COL3A1: variants seen among roughly 807,000 people sequenced by gnomAD.
COL3A1 encodes collagen type III alpha 1 chain.
Under a neutral mutation model 200.9 loss-of-function variants are expected in COL3A1, and 46 were observed. The observed-to-expected ratio is 0.23, with a 90% confidence interval of 0.18 to 0.29. COL3A1 has a LOEUF of 0.29. Ranked by LOEUF, COL3A1 falls within the 10% of genes least tolerant of loss-of-function variation. The pLI, the probability that COL3A1 is intolerant of heterozygous loss-of-function variation, is 1.00. For synonymous variants in COL3A1, 650 were observed against 628.0 expected, an observed-to-expected ratio of 1.03 and a Z score of -0.52; for missense variants, 1,367 against 1,917.6, an observed-to-expected ratio of 0.71 and a Z score of 5.36.
chr2:189,007,676 C>G, intron 45 of COL3A1, 69 bp downstream of exon 45: 1 of 1,378,058 alleles, frequency 7.3e-7, no homozygotes, highest in Non-Finnish European at 1.0e-6. Flanking sequence ...GAGAAGAAAG[C>G]TTTCCATCTC....
intron 1 of COL3A1, among the ~76,000 whole-genome samples, chr2:188,976,559 G>C (rs1202243228): frequency 1.3e-5 from 2 of 152,068 alleles, no homozygotes; most frequent in Non-Finnish European, 2.9e-5. Flanking sequence ...CTTTGGAAAA[G>C]TTACAGGAGG....
At chr2:188,999,940 T>C (rs1322860152) in intron 32 of COL3A1, 45 bp downstream of exon 32, 3 of 1,546,846 alleles carry the variant, frequency 1.9e-6, no homozygotes, top group African/African-American at 1.4e-5. Flanking sequence ...CTATATGTCA[T>C]ATGGGACAGT....
chr2:188,991,814 G>T, intron 13 of COL3A1, 92 bp downstream of exon 13: 3 of 1,298,926 alleles, frequency 2.3e-6, no homozygotes, highest in Non-Finnish European at 3.4e-6. Context: ...AATATGTTAG[G>T]AAAAAGACCT....
At chr2:188,980,262 T>C (rs761756788) in intron 1 of COL3A1, among the ~76,000 whole-genome samples, 13 of 151,450 alleles carry the variant, frequency 8.6e-5, no homozygotes, top group African/African-American at 2.7e-4. Context: ...TGGTTAGATA[T>C]ATGATACTTA....
At position 188,993,314 on chromosome 2, in the gene COL3A1, GAGT is replaced by G. The variant is rs1559055717; in HGVS notation, c.1051-44_1051-42del. 5 of 1,480,790 alleles carry G rather than the reference GAGT, an allele frequency of 3.4e-6. No homozygotes were observed. The South Asian group carries it at 4.8e-5, about 14-fold the overall frequency. 91.7% of individuals were successfully genotyped at this position (1,480,790 alleles called of 1,614,324 possible). A position where few individuals can be genotyped will look rare whatever the true frequency, so the allele number is the denominator to read the frequency against. The stretch of plus-strand genomic sequence containing the variant: ...GGACTGAAGGGTGAAGTGGCTAAGT[GAGT>G]AGAAGTGGTAAGAGAAACTGACTAC... On this transcript the variant is annotated intron_variant, in intron 15 of 50. Transcript: ENST00000304636.
intron 10 of COL3A1, 37 bp from the exon 11 acceptor site, chr2:188,990,967 G>A (rs1039339785): frequency 1.9e-6 from 3 of 1,587,632 alleles, no homozygotes; most frequent in East Asian, 2.2e-5. Flanking sequence ...ATTATTAACA[G>A]ATTTTAATAA....
chr2:188,996,983 A>G (rs1230560746), intron 24 of COL3A1, among the ~76,000 whole-genome samples, 182 bp from the exon 25 acceptor site: 1 of 151,812 alleles, frequency 6.6e-6, no homozygotes, highest in Non-Finnish European at 1.5e-5. Context: ...AGCAAGACTC[A>G]GTCTCAAAAA....
At chr2:189,002,472 G>A (rs1288540090) in intron 35 of COL3A1, 121 bp downstream of exon 35, 5 of 856,724 alleles carry the variant, frequency 5.8e-6, no homozygotes, top group Non-Finnish European at 9.8e-6. Context: ...TTCCCTATAG[G>A]ATTATTGTAC....
chr2:188,985,972 C>G (rs1688057580), intron 4 of COL3A1, among the ~76,000 whole-genome samples, 194 bp downstream of exon 4: 1 of 151,826 alleles, frequency 6.6e-6, no homozygotes, highest in African/African-American at 2.4e-5. Flanking sequence ...TTCATTTTTC[C>G]TCATAATGCT....
chr2:188,991,086 T>C (rs1688179339), intron 11 of COL3A1, 29 bp downstream of exon 11: 1 of 1,600,900 alleles, frequency 6.2e-7, no homozygotes, highest in African/African-American at 1.3e-5. Flanking sequence ...CATATTTTCA[T>C]AAGTAAATTC....
intron 32 of COL3A1, among the ~76,000 whole-genome samples, chr2:189,000,340 C>T (rs1688429580): frequency 6.6e-6 from 1 of 152,166 alleles, no homozygotes; most frequent in South Asian, 2.1e-4. Flanking sequence ...ACCTCAAGGA[C>T]AACATACTCA....
rs576933287 is a variant in COL3A1, at chr2:189,012,112, C to G, written c.*338C>G. 1 of 255,550 alleles carries G rather than the reference C, an allele frequency of 3.9e-6. No homozygotes were observed. Among genetic ancestry groups the G allele is most frequent in the East Asian group, 9.5e-5 (1 of 10,490 alleles). The allele number at this position is 255,550 out of a possible 1,614,324, so 15.8% of individuals were successfully genotyped here. ...CCATCTGCAGAGCAATGACTGTGCT[C>G]ACCAGTAAAAGATAACCTTTCTTTC... On this transcript the variant is annotated 3_prime_UTR_variant, in exon 51 of 51. Coordinates refer to ENST00000304636, the MANE Select transcript of COL3A1 (RefSeq NM_000090.4).
intron 10 of COL3A1, among the ~76,000 whole-genome samples, chr2:188,990,570 G>GA: frequency 6.6e-6 from 1 of 152,186 alleles, no homozygotes; most frequent in South Asian, 2.1e-4. Flanking sequence ...AAGTACTCTT[G>GA]AAAAATATCG....
intron 41 of COL3A1, 29 bp downstream of exon 41, chr2:189,005,486 A>C: frequency 6.4e-7 from 1 of 1,563,806 alleles, no homozygotes; most frequent in Non-Finnish European, 8.8e-7. Flanking sequence ...TCAACCAGCC[A>C]GGTAGAATTT....
Position 188,994,939 on chromosome 2 carries a change from A to G in COL3A1, c.1456-107A>G. Reference sequence around the variant, plus strand: ...TTTTCTTAAGTTGAGTGTTCAGTGAAAATATTGTTTAAAGCATTCTATGAC... The same window carrying G: ...TTTTCTTAAGTTGAGTGTTCAGTGAGAATATTGTTTAAAGCATTCTATGAC... On this transcript the variant is annotated intron_variant, in intron 20 of 50. Coordinates refer to ENST00000304636, the MANE Select transcript of COL3A1 (RefSeq NM_000090.4). The surrounding 1 kb of genome is among the most constrained non-coding windows in gnomAD (Gnocchi z 4.5). 2 of 1,552,966 alleles carry G rather than the reference A, an allele frequency of 1.3e-6. No individual in the cohort carries two copies. Among genetic ancestry groups the G allele is most frequent in the Non-Finnish European group, 1.8e-6 (2 of 1,125,058 alleles).
intron 48 of COL3A1, 23 bp downstream of exon 48, chr2:189,009,244 T>C (rs1055693518): frequency 9.3e-6 from 15 of 1,613,518 alleles, no homozygotes; most frequent in Non-Finnish European, 1.3e-5. Context: ...GTCTTTCATC[T>C]TCATGGCAAT....
rs1688159365 is a variant in COL3A1, at chr2:188,990,283, TA to T, written c.745-23del. 3 of 1,608,262 alleles carry T rather than the reference TA, an allele frequency of 1.9e-6. 1 individual carries two copies. The highest frequency in any genetic ancestry group is 1.7e-4 in the Middle Eastern group (1 of 6,048). ...GTGATTCTATTTGAAGGTTCATTAA[TA>T]TTTTTTCATTCATTATTTTTAGGGT... On this transcript the variant is annotated intron_variant, in intron 9 of 50. Transcript: ENST00000304636.
chr2:188,983,757 T>G (rs1688004077), intron 1 of COL3A1, among the ~76,000 whole-genome samples: 1 of 151,946 alleles, frequency 6.6e-6, no homozygotes. Context: ...AGTACATCAT[T>G]TGTTGTTTGC....
In COL3A1 at chr2:188,995,112, A is replaced by C; in HGVS notation, c.1509+13A>C. The C allele has an allele frequency of 1.2e-6, 2 of 1,613,550 alleles. No individual in the cohort carries two copies. The highest frequency in any genetic ancestry group is 1.7e-6 in the Non-Finnish European group (2 of 1,179,476). ...CCCAGGAGAAAAGGTAGATAACTTT[A>C]GTTTCTATGTTCCTAAATGCTAGCA... On this transcript the variant is annotated intron_variant, in intron 21 of 50. Transcript: ENST00000304636.
Sources: gnomAD v4.1 joint callset for allele counts (sites outside exome capture counted in the v4.1 genomes callset) on GRCh38, gnomAD v4.1.1 for gene constraint, Gnocchi (gnomAD v3.1) non-coding constraint, MANE v1.5 for transcripts, NCBI Gene and HGNC (gene_info 2026-07-23, HGNC 2026-07-21) for gene names.